VEZT: variants seen among roughly 807,000 people sequenced by gnomAD.
VEZT encodes the protein vezatin, adherens junctions transmembrane protein, also known as vezatin.
A neutral mutation model predicts 79.9 loss-of-function variants in VEZT; 39 were observed. The observed-to-expected ratio is 0.49, with a 90% CI of 0.38 to 0.64. The LOEUF (loss-of-function observed/expected upper bound fraction) is 0.64. Ranked by LOEUF, VEZT falls within the 30% of genes least tolerant of loss-of-function variation. The pLI is 0.00. For synonymous variants in VEZT, 325 were observed against 327.6 expected (o/e 0.99, Z 0.09); for missense variants, 837 against 893.1 (o/e 0.94, Z 0.80).
chr12:95,246,454 G>A (rs1208292959), intron 1 of VEZT, among the ~76,000 whole-genome samples: 1 of 152,212 alleles, frequency 6.6e-6, no homozygotes, highest in Admixed American at 6.5e-5. Flanking sequence ...GGCCTGCAGG[G>A]AGCAGGGCTG....
Position 95,282,475 on chromosome 12 carries a change from G to T in VEZT, c.1159G>T (p.Ala387Ser). ...VTQGLPHAHS[A>S]CLEELKRSYE... ...TCAAGGTCTACCTCATGCTCATTCT[G>T]CCTGTTTGGAAGAGCTTAAGCGCAG... Residue 387 changes from alanine (A) to serine (S), a missense_variant, in exon 8 of 12, where the codon GCC becomes TCC. Transcript: ENST00000436874. The T allele has an allele frequency of 6.2e-7, 1 of 1,613,880 alleles. No homozygotes were observed.
intron 9 of VEZT, among the ~76,000 whole-genome samples, chr12:95,292,426 G>A (rs1370403700): frequency 6.6e-6 from 1 of 151,948 alleles, no homozygotes; most frequent in Non-Finnish European, 1.5e-5. Flanking sequence ...TCTGTGTTCT[G>A]CTAATTAGGC....
In VEZT at chr12:95,259,569, A is replaced by G. The variant is rs1314826949; in HGVS notation, c.258+2330A>G. ...TATTAACATGCTTAAGTTGTGGAGC[A>G]AGGATATAAAGCTAGACACTAAGTC... On this transcript the variant is annotated intron_variant, in intron 3 of 11. Coordinates refer to ENST00000436874, the MANE Select transcript of VEZT (RefSeq NM_017599.4). Among the ~76,000 whole-genome samples, 3 of 152,250 alleles carry G rather than the reference A, an allele frequency of 2.0e-5. No individual in the cohort carries two copies. In the South Asian group the frequency reaches 6.2e-4, roughly 32 times the overall value.
intron 1 of VEZT, among the ~76,000 whole-genome samples, chr12:95,240,316 CTTCTT>C (rs1350471443): frequency 6.6e-6 from 1 of 152,082 alleles, no homozygotes; most frequent in East Asian, 1.9e-4. Flanking sequence ...CAGATTTGCA[CTTCTT>C]TTCTTATGTT....
intron 1 of VEZT, among the ~76,000 whole-genome samples, chr12:95,240,024 GGA>G (rs1483158708): frequency 0.035 from 824 of 23,838 alleles, 10 homozygotes; most frequent in African/African-American, 0.042. Flanking sequence ...GAGAAAGAAA[GGA>G]AGGAAGGAAG....
chr12:95,228,036 CTCTTT>C (rs1417639729), intron 1 of VEZT, among the ~76,000 whole-genome samples: 1 of 152,142 alleles, frequency 6.6e-6, no homozygotes, highest in Non-Finnish European at 1.5e-5. Flanking sequence ...TTCCTTCTTC[CTCTTT>C]TCTTTTCTTC....
At chr12:95,235,039 A>C (rs1483017752) in intron 1 of VEZT, among the ~76,000 whole-genome samples, 1 of 151,744 alleles carries the variant, frequency 6.6e-6, no homozygotes, top group Non-Finnish European at 1.5e-5. Context: ...CAAAATGAAA[A>C]GTCTCCCATG....
chr12:95,266,978 C>T (rs923226955), intron 5 of VEZT, among the ~76,000 whole-genome samples: 3 of 152,204 alleles, frequency 2.0e-5, no homozygotes, highest in African/African-American at 4.8e-5. Flanking sequence ...GCTCCCATTA[C>T]TCCCTTTCAA....
chr12:95,268,214 G>A (rs1422426710), intron 5 of VEZT, among the ~76,000 whole-genome samples: 1 of 150,678 alleles, frequency 6.6e-6, no homozygotes, highest in Non-Finnish European at 1.5e-5. Context: ...TAATATTTCC[G>A]GCCGGGCACG....
chr12:95,264,506 A>G (rs10777679), intron 4 of VEZT, among the ~76,000 whole-genome samples: 73,588 of 151,950 alleles, frequency 0.48, 18,161 homozygotes, highest in African/African-American at 0.57. Flanking sequence ...GTGTGACCTC[A>G]GCTCACTGCA....
intron 6 of VEZT, among the ~76,000 whole-genome samples, chr12:95,273,526 T>G (rs1312455346): frequency 2.0e-5 from 3 of 152,218 alleles, no homozygotes; most frequent in African/African-American, 7.2e-5. Flanking sequence ...GCTGTATCCC[T>G]TAATACCTCA....
intron 3 of VEZT, among the ~76,000 whole-genome samples, chr12:95,260,629 G>A (rs1010202478): frequency 2.0e-5 from 3 of 152,084 alleles, no homozygotes; most frequent in South Asian, 2.1e-4. Context: ...CCTTCAACTC[G>A]TTAGGCTTCT....
chr12:95,262,812 A>G, intron 3 of VEZT, 94 bp from the exon 4 acceptor site: 1 of 1,184,838 alleles, frequency 8.4e-7, no homozygotes, highest in Non-Finnish European at 1.1e-6. Context: ...CTGAAAATAA[A>G]CACCACCAAA....
rs549564314 is a variant in VEZT at position 95,217,857 on chromosome 12, C to T, written c.7C>T (p.Pro3Ser). 6.5e-7 allele frequency: 1 copy of T among 1,536,626 alleles called. No homozygotes were observed. The highest frequency in any genetic ancestry group is 8.7e-7 in the Non-Finnish European group (1 of 1,146,944). Residue 3 changes from proline to serine, a missense_variant, in exon 1 of 12, where the codon CCG (proline) becomes TCG (serine). Pro to Ser is a moderately conservative substitution (Grantham distance 74). Transcript: ENST00000436874. MT[P>S]EFDEEVVFEN... ...GGTGGCATGGCGGAGAAGGATGACA[C>T]CGGAGTTTGACGAAGAGGTGGTTTT...
chr12:95,262,937 C>G lies in VEZT; in HGVS notation c.290C>G (p.Thr97Ser), dbSNP rs1440487770. 3 of 1,609,166 alleles carry G rather than the reference C, an allele frequency of 1.9e-6. No individual in the cohort carries two copies. The African/African-American group carries it at 4.0e-5, about 21-fold the overall frequency. Residue 97 changes from threonine to serine, a missense_variant, in exon 4 of 12, where the codon ACC becomes AGC. Thr to Ser is a moderately conservative substitution (Grantham distance 58). Transcript: ENST00000436874. ...DIGFRLDSLH[T>S]ILQQEVLLQE... ...GGATTCCGACTCGACTCATTACATA[C>G]CATCCTGCAACAGGAAGTCCTGTTA...
At chr12:95,253,065 T>C (rs2137906957) in intron 2 of VEZT, among the ~76,000 whole-genome samples, 1 of 152,224 alleles carries the variant, frequency 6.6e-6, no homozygotes, top group South Asian at 2.1e-4. Flanking sequence ...AGAGGTAGAG[T>C]TGGGATTAGA....
chr12:95,237,133 A>ACAGCACTG (rs2060302270), intron 1 of VEZT, among the ~76,000 whole-genome samples: 1 of 152,192 alleles, frequency 6.6e-6, no homozygotes, highest in African/African-American at 2.4e-5. Context: ...GGGGTAGGTA[A>ACAGCACTG]CAGCACTGAA....
intron 1 of VEZT, among the ~76,000 whole-genome samples, chr12:95,233,981 T>C (rs1030023096): frequency 1.3e-5 from 2 of 152,198 alleles, no homozygotes; most frequent in African/African-American, 4.8e-5. Flanking sequence ...ATACCTATAC[T>C]CCCACTAATA....
At chr12:95,233,182 T>C (rs1411884274) in intron 1 of VEZT, among the ~76,000 whole-genome samples, 1 of 151,968 alleles carries the variant, frequency 6.6e-6, no homozygotes, top group African/African-American at 2.4e-5. Flanking sequence ...TTAGGTACCT[T>C]CTTTTTTCTT....
Sources: gnomAD v4.1 joint callset for allele counts (sites outside exome capture counted in the v4.1 genomes callset) on GRCh38, gnomAD v4.1.1 for gene constraint, MANE v1.5 for transcripts, NCBI Gene and HGNC (gene_info 2026-07-23, HGNC 2026-07-21) for gene names.